Variants in TC2N observed in about 807,000 individuals in gnomAD.
The protein encoded by TC2N is tandem C2 domains nuclear protein.
In TC2N, 51 loss-of-function variants were observed where a neutral mutation model predicts 61.9. The ratio of observed to expected loss-of-function variants is 0.82; its 90% CI spans 0.66 to 1.04. TC2N has a LOEUF of 1.04. Ranked by LOEUF, TC2N falls within the 50% of genes least tolerant of loss-of-function variation. The probability of loss-of-function intolerance (pLI) is 0.00; values close to 1 mark genes in which losing one functional copy is unlikely to be tolerated. For missense variants in TC2N, 556 were observed against 566.7 expected, an observed-to-expected ratio of 0.98 and a Z score of 0.19; for synonymous variants, 204 against 192.6, an observed-to-expected ratio of 1.06 and a Z score of -0.49.
At position 91,837,195 on chromosome 14, in the gene TC2N, CTG is replaced by C. The variant is rs1320498459; in HGVS notation, c.-56-23372_-56-23371del. Among the ~76,000 whole-genome samples the C allele has an allele frequency of 1.3e-5, 2 of 152,178 alleles. No homozygotes were observed. Among genetic ancestry groups the C allele is most frequent in the Non-Finnish European group, 2.9e-5 (2 of 68,034 alleles). ...ACTGCTTGGAAATGAGTTTCCTAGA[CTG>C]TCTGATGAAGAATGGCTTAGCATTT... On this transcript the variant is annotated intron_variant, in intron 1 of 11. Coordinates refer to ENST00000435962, the MANE Select transcript of TC2N (RefSeq NM_001128596.3). This position sits in a 1 kb window ranked among gnomAD's most constrained non-coding sequence, Gnocchi z 4.2.
intron 1 of TC2N, among the ~76,000 whole-genome samples, chr14:91,851,734 A>G (rs1888380640): frequency 1.3e-5 from 2 of 152,212 alleles, no homozygotes; most frequent in South Asian, 4.1e-4. Context: ...GAAGCACACT[A>G]GCCTGGTGCC....
chr14:91,782,934 A>G lies in TC2N; in HGVS notation c.*166T>C, dbSNP rs1322675039. ...TTACTTTGGATATCTGATAAAATTC[A>G]TTACATTTTCTTATCAAATTTTCTA... On this transcript the variant is annotated 3_prime_UTR_variant, in exon 12 of 12. Transcript: ENST00000435962. 11 of 505,108 alleles carry G rather than the reference A, an allele frequency of 2.2e-5. No individual in the cohort carries two copies. In the South Asian group the frequency reaches 3.6e-4, roughly 17 times the overall value. 31.3% of individuals were successfully genotyped at this position (505,108 alleles called of 1,614,324 possible). A position where few individuals can be genotyped will look rare whatever the true frequency, so the allele number is the denominator to read the frequency against.
Position 91,831,825 on chromosome 14 carries a change from A to G in TC2N, c.-56-18000T>C, listed in dbSNP as rs115656640. ...GAGAAGGTACAGAGATTTCCCATAT[A>G]CCCCCCTGCTTTTAGTAGAAAATAT... On this transcript the variant is annotated intron_variant, in intron 1 of 11. Coordinates refer to ENST00000435962, the MANE Select transcript of TC2N (RefSeq NM_001128596.3). Among the ~76,000 whole-genome samples, 460 of 152,184 alleles carry G rather than the reference A, an allele frequency of 3.0e-3. 5 individuals carry two copies. The highest frequency in any genetic ancestry group is 0.011 in the African/African-American group (442 of 41,526).
chr14:91,781,162 C>T lies in TC2N; in HGVS notation c.*1938G>A, dbSNP rs1885106999. 1 of 151,744 alleles carries T rather than the reference C, an allele frequency of 6.6e-6. No individual in the cohort carries two copies. The highest frequency in any genetic ancestry group is 2.1e-4 in the South Asian group (1 of 4,792). 9.4% of individuals were successfully genotyped at this position (151,744 alleles called of 1,614,324 possible). A position where few individuals can be genotyped will look rare whatever the true frequency, so the allele number is the denominator to read the frequency against. ...CAAAGCATTAATAGAACAGAGAAAC[C>T]AGCTAAAACAAATTGTAGCTTTTAA... On this transcript the variant is annotated 3_prime_UTR_variant, in exon 12 of 12. Transcript: ENST00000435962.
intron 1 of TC2N, among the ~76,000 whole-genome samples, chr14:91,824,631 C>CA (rs1439831680): frequency 2.6e-5 from 4 of 152,112 alleles, no homozygotes; most frequent in Non-Finnish European, 4.4e-5. Context: ...GCACTGAAGA[C>CA]AAAATAGGGA....
rs747451487 is a variant in TC2N, at chr14:91,798,370, C to T, written c.667G>A (p.Asp223Asn). Residue 223 changes from aspartate to asparagine, a missense_variant, in exon 7 of 12, where the codon GAC (aspartate) becomes AAC (asparagine). Coordinates refer to ENST00000435962, the MANE Select transcript of TC2N (RefSeq NM_001128596.3). Reference protein sequence around the residue: ...DTITLSGDERDFGRLNVKLFY... With the variant: ...DTITLSGDERNFGRLNVKLFY... ...AATTTCACATTCAGTCTCCCAAAGT[C>T]CCTTTCATCTCCTGATAGAGTAATT... is the stretch of plus-strand genomic sequence containing the variant. The T allele has an allele frequency of 2.5e-6, 4 of 1,585,988 alleles. No homozygotes were observed. Among genetic ancestry groups the T allele is most frequent in the South Asian group, 2.3e-5 (2 of 88,010 alleles).
At chr14:91,861,040 T>C (rs1888579084) in intron 1 of TC2N, among the ~76,000 whole-genome samples, 2 of 152,200 alleles carry the variant, frequency 1.3e-5, no homozygotes, top group Non-Finnish European at 2.9e-5. Context: ...AAGCATCATG[T>C]CAAGCCGCTG....
rs560810389 is a variant in TC2N, at chr14:91,865,690, G to A, written c.-57+1572C>T. ...AAAATACTTAATAATTCTAAGCAGA[G>A]GCAACTTATTCTAAATTTCAAACAC... is the stretch of plus-strand genomic sequence containing the variant. On this transcript the variant is annotated intron_variant, in intron 1 of 11. Transcript: ENST00000435962. 5.7e-4 allele frequency among the ~76,000 whole-genome samples: 87 copies of A among 151,944 alleles called. 3 individuals carry two copies. The South Asian group carries it at 0.018, about 31-fold the overall frequency.
chr14:91,832,368 CA>C, intron 1 of TC2N, among the ~76,000 whole-genome samples: 1 of 104,808 alleles, frequency 9.5e-6, no homozygotes, highest in South Asian at 3.0e-4. Context: ...CCAGCATGGG[CA>C]ATAAGAGCAA....
At chr14:91,849,132 C>CA (rs1210391420) in intron 1 of TC2N, among the ~76,000 whole-genome samples, 1 of 152,122 alleles carries the variant, frequency 6.6e-6, no homozygotes, top group Admixed American at 6.6e-5. Flanking sequence ...GTAGGAGACT[C>CA]AGAGTCGACA....
At chr14:91,834,961 T>G (rs989926205) in intron 1 of TC2N, among the ~76,000 whole-genome samples, 2 of 152,194 alleles carry the variant, frequency 1.3e-5, no homozygotes, top group African/African-American at 2.4e-5. Flanking sequence ...TGATCTTGAC[T>G]TCAGAAAACC....
At chr14:91,856,073 G>A (rs1391285790) in intron 1 of TC2N, among the ~76,000 whole-genome samples, 1 of 152,120 alleles carries the variant, frequency 6.6e-6, no homozygotes, top group Non-Finnish European at 1.5e-5. Flanking sequence ...GACAAAAGGT[G>A]GAGAGATGAG....
intron 8 of TC2N, among the ~76,000 whole-genome samples, chr14:91,797,059 C>T (rs948962858): frequency 6.6e-6 from 1 of 151,916 alleles, no homozygotes; most frequent in African/African-American, 2.4e-5. Flanking sequence ...AAGGTTTTGA[C>T]ATGTAGTGTC....
At chr14:91,812,612 C>T in intron 2 of TC2N, 67 bp from the exon 3 acceptor site, 1 of 757,502 alleles carries the variant, frequency 1.3e-6, no homozygotes, top group Non-Finnish European at 2.1e-6. Flanking sequence ...CTAAACCTAG[C>T]ATACTTTGAT....
chr14:91,813,162 A>C (rs760434228), intron 2 of TC2N, among the ~76,000 whole-genome samples: 28 of 151,904 alleles, frequency 1.8e-4, no homozygotes, highest in Non-Finnish European at 4.0e-4. Flanking sequence ...AGTGCCAGAG[A>C]AGAGATAAGG....
At chr14:91,783,834 C>T (rs1273850455) in intron 11 of TC2N, among the ~76,000 whole-genome samples, 1 of 152,006 alleles carries the variant, frequency 6.6e-6, no homozygotes, top group Non-Finnish European at 1.5e-5. Flanking sequence ...TTTCATCTTA[C>T]CTCTAGCACT....
intron 9 of TC2N, among the ~76,000 whole-genome samples, chr14:91,789,476 T>C (rs1169223392): frequency 2.6e-5 from 4 of 151,286 alleles, no homozygotes; most frequent in African/African-American, 9.7e-5. Context: ...CCACCCGTGG[T>C]GGCTGATACC....
chr14:91,826,799 C>A (rs1003542887), intron 1 of TC2N, among the ~76,000 whole-genome samples: 23 of 152,076 alleles, frequency 1.5e-4, no homozygotes, highest in Admixed American at 1.3e-4. Flanking sequence ...TGATTTAAAT[C>A]TCTTATCATT....
intron 1 of TC2N, among the ~76,000 whole-genome samples, chr14:91,848,007 G>A (rs1323100762): frequency 6.6e-6 from 1 of 152,206 alleles, no homozygotes; most frequent in Non-Finnish European, 1.5e-5. Flanking sequence ...CAATTCAGGT[G>A]AAGAGAATAG....
Sources: allele counts gnomAD v4.1 joint callset (sites outside exome capture counted in the v4.1 genomes callset), GRCh38; gene constraint gnomAD v4.1.1; non-coding constraint Gnocchi (gnomAD v3.1); transcripts MANE v1.5; gene names NCBI Gene and HGNC (gene_info 2026-07-23, HGNC 2026-07-21).